The following PLCE1 variants were observed in gnomAD, a reference collection of about 807,000 sequenced individuals.
The protein encoded by PLCE1 is phospholipase C epsilon 1.
PLCE1 carries 119 observed loss-of-function variants against 242.8 expected under a neutral mutation model. That is an observed-to-expected ratio of 0.49 (90% CI 0.42 to 0.57). The LOEUF is 0.57. Ranked by LOEUF, PLCE1 falls within the 20% of genes least tolerant of loss-of-function variation. PLCE1 has a pLI of 0.00. For synonymous variants in PLCE1, 945 were observed against 1,017.4 expected, an observed-to-expected ratio of 0.93 and a Z score of 1.35; for missense variants, 2,441 against 2,788.8, an observed-to-expected ratio of 0.88 and a Z score of 2.81.
intron 1 of PLCE1, among the ~76,000 whole-genome samples, chr10:93,999,755 G>A (rs970920914): frequency 1.3e-5 from 2 of 151,670 alleles, no homozygotes; most frequent in Non-Finnish European, 2.9e-5. Flanking sequence ...CTCTGCTCCC[G>A]CCTCTGCCTG....
chr10:94,271,535 C>T (rs368464138), intron 18 of PLCE1, among the ~76,000 whole-genome samples: 10 of 151,592 alleles, frequency 6.6e-5, no homozygotes, highest in Admixed American at 2.0e-4. Context: ...AGGATGGTCT[C>T]GAACTCCTGA....
intron 3 of PLCE1, among the ~76,000 whole-genome samples, chr10:94,161,215 T>C (rs1176260896): frequency 6.6e-6 from 1 of 152,232 alleles, no homozygotes; most frequent in Non-Finnish European, 1.5e-5. Context: ...GGTAGCTTGA[T>C]GGGGATGGCC....
At chr10:94,075,268 G>A (rs534329156) in intron 2 of PLCE1, among the ~76,000 whole-genome samples, 2 of 152,324 alleles carry the variant, frequency 1.3e-5, no homozygotes, top group South Asian at 2.1e-4. Flanking sequence ...AGGGCAGCAC[G>A]TGCCTTGTCA....
rs886952591 is a variant in PLCE1, at chr10:94,195,500, C to CT, written c.1809+24014dup. On this transcript the variant is annotated intron_variant, in intron 4 of 32. Transcript: ENST00000371380. ...ATGTCACCCTAAGAATTAGGGGCTC[C>CT]TTTTTTTTTTAAGAGGAATGATATG... Among the ~76,000 whole-genome samples the CT allele has an allele frequency of 2.2e-4, 33 of 147,652 alleles. No individual in the cohort carries two copies. In the South Asian group the frequency reaches 3.0e-3, roughly 13 times the overall value.
chr10:94,206,215 G>A (rs1453030011), intron 4 of PLCE1, among the ~76,000 whole-genome samples: 1 of 152,142 alleles, frequency 6.6e-6, no homozygotes, highest in Non-Finnish European at 1.5e-5. Flanking sequence ...ACCTGGACAT[G>A]CAAAGCAAGA....
chr10:94,246,336 TC>T lies in PLCE1; in HGVS notation c.2812del (p.Leu938PhefsTer4), dbSNP rs748441705. 6.2e-7 allele frequency: 1 copy of T among 1,614,168 alleles called. No individual in the cohort carries two copies. Among genetic ancestry groups the T allele is most frequent in the Non-Finnish European group, 8.5e-7 (1 of 1,180,028 alleles). On this transcript the variant is annotated frameshift_variant, in exon 8 of 33. Transcript: ENST00000371380. LOFTEE classifies it high-confidence loss of function. Reference protein sequence around the residue: ...LSSLTEGVLDLFAVKAVYMGH... With the variant: ...LSSLTEGVLDXFAVKAVYMGH... ...GTAGCCTGACGGAAGGGGTCTTGGATCTTTTTGCAGTGAAGGCTGTATACAT... is the reference window on the plus strand; with the variant it reads ...GTAGCCTGACGGAAGGGGTCTTGGATTTTTTGCAGTGAAGGCTGTATACAT...
At chr10:94,213,140 C>T (rs945429496) in intron 4 of PLCE1, among the ~76,000 whole-genome samples, 1 of 152,178 alleles carries the variant, frequency 6.6e-6, no homozygotes, top group African/African-American at 2.4e-5. Context: ...GATCTCATTT[C>T]AGGACATTCA....
chr10:94,191,377 C>T (rs2048660749), intron 4 of PLCE1, among the ~76,000 whole-genome samples: 1 of 152,120 alleles, frequency 6.6e-6, no homozygotes, highest in African/African-American at 2.4e-5. Context: ...CACAGGCGCT[C>T]ATGTCTGTGA....
chr10:94,265,836 T>G lies in PLCE1; in HGVS notation c.4159T>G (p.Ser1387Ala). 1 of 1,614,002 alleles carries G rather than the reference T, an allele frequency of 6.2e-7. No individual in the cohort carries two copies. The highest frequency in any genetic ancestry group is 8.5e-7 in the Non-Finnish European group (1 of 1,179,980). Residue 1387 changes from serine to alanine, a missense_variant, in exon 16 of 33, where the codon TCA (serine) becomes GCA (alanine). Physicochemically the swap from Ser to Ala is moderately conservative, Grantham distance 99. This residue lies in a region of PLCE1 where 1,004 missense variants were observed against 1,322.7 expected (regional missense o/e 0.76). Transcript: ENST00000371380. ...KENFASKNDE[S>A]QENIKELQLP... ...AAATTTTGCCTCAAAAAATGATGAG[T>G]CACAGGAGAACATTAAAGAACTGCA... is the stretch of plus-strand genomic sequence containing the variant.
chr10:94,123,565 C>A (rs2046357525), intron 2 of PLCE1, among the ~76,000 whole-genome samples: 1 of 152,196 alleles, frequency 6.6e-6, no homozygotes, highest in Non-Finnish European at 1.5e-5. Context: ...CCCATCCCTG[C>A]CATTTAAGTC....
In PLCE1 at chr10:94,332,633, T is replaced by C. The variant is rs1439289063; in HGVS notation, c.*4690T>C. The C allele has an allele frequency of 1.3e-5, 2 of 152,130 alleles. 1 individual carries two copies. The highest frequency in any genetic ancestry group is 6.3e-3 in the Middle Eastern group (2 of 316). The allele number at this position is 152,130 out of a possible 1,614,324, so 9.4% of individuals were successfully genotyped here. A position where few individuals can be genotyped will look rare whatever the true frequency, so the allele number is the denominator to read the frequency against. On this transcript the variant is annotated 3_prime_UTR_variant, in exon 33 of 33. Transcript: ENST00000371380. The stretch of plus-strand genomic sequence containing the variant: ...TTCACATAGGATACTCAAATATAGA[T>C]GTATAATTTTGTAGTCCCACTGTGA...
intron 1 of PLCE1, among the ~76,000 whole-genome samples, chr10:94,024,159 A>C (rs973562107): frequency 6.6e-6 from 1 of 152,192 alleles, no homozygotes; most frequent in Non-Finnish European, 1.5e-5. Context: ...AGGATTGCTT[A>C]GGCAAAATGT....
intron 2 of PLCE1, chr10:94,082,180 A>C (rs111623680): frequency 5.3e-5 from 8 of 152,202 alleles, no homozygotes; most frequent in African/African-American, 1.9e-4. Context: ...CTCCATGAAA[A>C]AGCTGAGGCA....
intron 2 of PLCE1, among the ~76,000 whole-genome samples, chr10:94,033,644 A>G (rs988261393): frequency 6.6e-6 from 1 of 152,090 alleles, no homozygotes; most frequent in Admixed American, 6.6e-5. Context: ...CCTCTTTAAG[A>G]ATCCTGCTCT....
At chr10:94,066,615 C>G (rs2044203004) in intron 2 of PLCE1, among the ~76,000 whole-genome samples, 1 of 152,134 alleles carries the variant, frequency 6.6e-6, no homozygotes, top group African/African-American at 2.4e-5. Flanking sequence ...GACGCTCCCC[C>G]TCACATTTTA....
chr10:94,268,668 T>C (rs2051601124), intron 16 of PLCE1, among the ~76,000 whole-genome samples: 1 of 152,226 alleles, frequency 6.6e-6, no homozygotes, highest in Non-Finnish European at 1.5e-5. Flanking sequence ...AATGGCCATA[T>C]GGTTTTGCTA....
intron 3 of PLCE1, among the ~76,000 whole-genome samples, chr10:94,165,024 G>A (rs545594289): frequency 6.6e-6 from 1 of 152,296 alleles, no homozygotes; most frequent in South Asian, 2.1e-4. Context: ...ACCCGGCCGT[G>A]TGAGGTGTCA....
chr10:94,320,255 TC>T (rs1396617298), intron 29 of PLCE1, among the ~76,000 whole-genome samples: 3 of 151,238 alleles, frequency 2.0e-5, no homozygotes, highest in South Asian at 2.1e-4. Context: ...GCTCATCTCT[TC>T]CCCCCCTTCC....
At chr10:94,098,138 C>G (rs367789961) in intron 2 of PLCE1, among the ~76,000 whole-genome samples, 2 of 152,116 alleles carry the variant, frequency 1.3e-5, no homozygotes, top group Non-Finnish European at 2.9e-5. Flanking sequence ...CTTTTCATGT[C>G]GTCAAGGAGA....
Sources: allele counts gnomAD v4.1 joint callset (sites outside exome capture counted in the v4.1 genomes callset), GRCh38; gene constraint gnomAD v4.1.1; regional missense constraint gnomAD v4.1.1; transcripts MANE v1.5; gene names NCBI Gene and HGNC (gene_info 2026-07-23, HGNC 2026-07-21).